CAMTA1: variants seen among roughly 807,000 people sequenced by gnomAD.
CAMTA1 encodes the protein calmodulin-binding transcription activator 1.
Under a neutral mutation model 170.9 loss-of-function variants are expected in CAMTA1, and 27 were observed. The ratio of observed to expected loss-of-function variants is 0.16; its 90% CI spans 0.12 to 0.22. The LOEUF (loss-of-function observed/expected upper bound fraction) is 0.22. CAMTA1 is among the 10% of genes least tolerant of loss of function. The probability of loss-of-function intolerance (pLI) is 1.00; values close to 1 mark genes in which losing one functional copy is unlikely to be tolerated. For synonymous variants in CAMTA1, 833 were observed against 891.5 expected (o/e 0.93, Z 1.17); for missense variants, 1,619 against 2,217.2 (o/e 0.73, Z 5.42).
intron 4 of CAMTA1, among the ~76,000 whole-genome samples, chr1:7,177,472 C>A (rs1213491037): frequency 1.4e-5 from 2 of 146,004 alleles, no homozygotes; most frequent in Non-Finnish European, 3.0e-5. Flanking sequence ...ACCCTGAGGC[C>A]CCCCCACACA....
At chr1:7,395,140 C>T (rs969909633) in intron 5 of CAMTA1, among the ~76,000 whole-genome samples, 1 of 152,196 alleles carries the variant, frequency 6.6e-6, no homozygotes, top group Non-Finnish European at 1.5e-5. Flanking sequence ...GCCTCAGCCT[C>T]CCAAAGTGCT....
chr1:7,110,119 C>A (rs1037365482), intron 4 of CAMTA1, among the ~76,000 whole-genome samples: 5 of 152,166 alleles, frequency 3.3e-5, no homozygotes, highest in Non-Finnish European at 7.3e-5. Flanking sequence ...TGTTCCTGGG[C>A]TCCAGGTGAT....
intron 4 of CAMTA1, among the ~76,000 whole-genome samples, chr1:7,232,384 C>T (rs1294290757): frequency 2.0e-5 from 3 of 152,238 alleles, no homozygotes; most frequent in African/African-American, 7.2e-5. Context: ...TGCTTTGGAA[C>T]CAGGAGCATG....
intron 3 of CAMTA1, among the ~76,000 whole-genome samples, chr1:6,992,511 T>C (rs1448332377): frequency 6.6e-6 from 1 of 152,238 alleles, no homozygotes; most frequent in Non-Finnish European, 1.5e-5. Context: ...GGTCTGTTGC[T>C]CATCCATTTT....
At chr1:7,647,079 C>T (rs904319805) in intron 7 of CAMTA1, among the ~76,000 whole-genome samples, 1 of 152,164 alleles carries the variant, frequency 6.6e-6, no homozygotes, top group Non-Finnish European at 1.5e-5. Context: ...CTGCTCAGAG[C>T]GGCTGCTTAG....
rs557640682 is a variant in CAMTA1 at position 7,410,969 on chromosome 1, ATGTG to A, written c.439-56855_439-56852del. ...TATATGTGTGTATGTCTGTGTGTGTATGTGTGTGTATATGTGTTTGTGTATGTGT... is the reference window on the plus strand; with the variant it reads ...TATATGTGTGTATGTCTGTGTGTGTATGTGTATATGTGTTTGTGTATGTGT... On this transcript the variant is annotated intron_variant, in intron 5 of 22. Coordinates refer to ENST00000303635, the MANE Select transcript of CAMTA1 (RefSeq NM_015215.4). Among the ~76,000 whole-genome samples the A allele has an allele frequency of 1.4e-5, 2 of 147,636 alleles. 1 individual carries two copies. The highest frequency in any genetic ancestry group is 4.3e-4 in the South Asian group (2 of 4,640).
intron 22 of CAMTA1, among the ~76,000 whole-genome samples, chr1:7,758,203 A>G (rs775377231): frequency 4.6e-5 from 7 of 152,162 alleles, no homozygotes; most frequent in Non-Finnish European, 1.0e-4. Flanking sequence ...GCGTTTTTGA[A>G]ACTTGTTAGT....
intron 5 of CAMTA1, among the ~76,000 whole-genome samples, chr1:7,380,731 A>G (rs1218490733): frequency 6.6e-6 from 1 of 152,220 alleles, no homozygotes; most frequent in African/African-American, 2.4e-5. Flanking sequence ...TCTGGAGCCA[A>G]GATAACAAAC....
intron 6 of CAMTA1, among the ~76,000 whole-genome samples, chr1:7,578,553 C>T (rs766056092): frequency 2.0e-4 from 31 of 152,330 alleles, no homozygotes; most frequent in Admixed American, 5.9e-4. Flanking sequence ...TGCATCCAAG[C>T]GGCTCCCATA....
rs1292419682 is a variant in CAMTA1, at chr1:7,737,546, A to G, written c.3634A>G (p.Thr1212Ala). Residue 1212 changes from threonine (T) to alanine (A), a missense_variant, in exon 15 of 23, where the codon ACT (threonine) becomes GCT (alanine). Physicochemically the swap from Thr to Ala is moderately conservative, Grantham distance 58. Transcript: ENST00000303635. ...CTCTCCAGAAATACCCAAGGGAGTC[A>G]CTGTTATTGCAAGCACCAACCCAGG... is the stretch of plus-strand genomic sequence containing the variant. ...ISSPEIPKGVTVIASTNPELR... is the reference protein window; with the variant it reads ...ISSPEIPKGVAVIASTNPELR... 6.2e-7 allele frequency: 1 copy of G among 1,610,602 alleles called. No individual in the cohort carries two copies. Among genetic ancestry groups the G allele is most frequent in the African/African-American group, 1.3e-5 (1 of 74,938 alleles).
At chr1:7,655,144 A>G (rs550053873) in intron 7 of CAMTA1, among the ~76,000 whole-genome samples, 10 of 143,662 alleles carry the variant, frequency 7.0e-5, no homozygotes, top group South Asian at 2.3e-4. Flanking sequence ...ACACAAACCC[A>G]CCTATACACA....
chr1:7,619,588 A>C (rs1299626669), intron 6 of CAMTA1, among the ~76,000 whole-genome samples: 5 of 152,166 alleles, frequency 3.3e-5, no homozygotes, highest in Non-Finnish European at 7.3e-5. Flanking sequence ...ATAATTGGCC[A>C]ATGAGATTCA....
rs1381464482 is a variant in CAMTA1 at position 7,534,535 on chromosome 1, T to C, written c.510+66634T>C. 2.6e-5 allele frequency among the ~76,000 whole-genome samples: 4 copies of C among 152,222 alleles called. No homozygotes were observed. The highest frequency in any genetic ancestry group is 9.6e-5 in the African/African-American group (4 of 41,456). On this transcript the variant is annotated intron_variant, in intron 6 of 22. Transcript: ENST00000303635. This position sits in a 1 kb window ranked among gnomAD's most constrained non-coding sequence, Gnocchi z 5.6. ...CTCCTAGGCAGCTGAGGCCCAGCCC[T>C]GTGGGGTGGCACTACCTGCTCCCCA...
chr1:6,948,402 G>A (rs545643390), intron 3 of CAMTA1, among the ~76,000 whole-genome samples: 9 of 152,206 alleles, frequency 5.9e-5, no homozygotes, highest in Non-Finnish European at 8.8e-5. Context: ...ATGTACATGC[G>A]TAGGTAAGAG....
At chr1:6,799,485 T>A (rs918871558) in intron 1 of CAMTA1, among the ~76,000 whole-genome samples, 2 of 152,230 alleles carry the variant, frequency 1.3e-5, no homozygotes, top group Non-Finnish European at 2.9e-5. Flanking sequence ...AGCCTTTCTC[T>A]CCATGGCCTC....
In CAMTA1 at chr1:7,680,872, A is replaced by AGCT. The variant is rs1553247154; in HGVS notation, c.2914+3141_2914+3142insTGC. ...CGCGCGCGCGCGCGCCAGCAGCAGC[A>AGCT]GCAGCAGCAGCTGCTGCGGCGAAGT... On this transcript the variant is annotated intron_variant, in intron 11 of 22. Transcript: ENST00000303635. The surrounding 1 kb of genome is among the most constrained non-coding windows in gnomAD (Gnocchi z 4.4). Among the ~76,000 whole-genome samples, 1 of 146,262 alleles carries AGCT rather than the reference A, an allele frequency of 6.8e-6. No homozygotes were observed. Among genetic ancestry groups the AGCT allele is most frequent in the Admixed American group, 6.7e-5 (1 of 14,818 alleles).
At chr1:7,469,365 C>G (rs747725109) in intron 6 of CAMTA1, among the ~76,000 whole-genome samples, 34 of 152,178 alleles carry the variant, frequency 2.2e-4, no homozygotes, top group Non-Finnish European at 4.3e-4. Context: ...TCTCCTCTAC[C>G]CGATGAAGGG....
At chr1:7,441,812 TC>T (rs1188845623) in intron 5 of CAMTA1, among the ~76,000 whole-genome samples, 1 of 152,114 alleles carries the variant, frequency 6.6e-6, no homozygotes, top group Non-Finnish European at 1.5e-5. Flanking sequence ...GCAAATCCCA[TC>T]CCCATCCCGA....
At chr1:6,792,167 A>G (rs1641296407) in intron 1 of CAMTA1, among the ~76,000 whole-genome samples, 1 of 151,844 alleles carries the variant, frequency 6.6e-6, no homozygotes, top group African/African-American at 2.4e-5. Context: ...CATGTTGGCC[A>G]GGTTGGTCTT....
Sources: gnomAD v4.1 joint callset for allele counts (sites outside exome capture counted in the v4.1 genomes callset) on GRCh38, gnomAD v4.1.1 for gene constraint, Gnocchi (gnomAD v3.1) non-coding constraint, MANE v1.5 for transcripts, NCBI Gene and HGNC (gene_info 2026-07-23, HGNC 2026-07-21) for gene names.